Variants in GRM5 observed in about 807,000 individuals in gnomAD.
GRM5 encodes the protein glutamate metabotropic receptor 5, also known as metabotropic glutamate receptor 5.
Under a neutral mutation model 83.1 loss-of-function variants are expected in GRM5, and 19 were observed. The observed-to-expected ratio is 0.23, with a 90% CI of 0.16 to 0.34. The LOEUF is 0.34. GRM5 is among the 10% of genes least tolerant of loss of function. GRM5 has a pLI of 1.00. For missense variants in GRM5, 1,160 were observed against 1,588.3 expected (o/e 0.73, Z 4.58); for synonymous variants, 675 against 633.6 (o/e 1.07, Z -0.98).
chr11:88,625,012 C>T (rs1938752934), intron 4 of GRM5, among the ~76,000 whole-genome samples: 1 of 152,068 alleles, frequency 6.6e-6, no homozygotes, highest in South Asian at 2.1e-4. Context: ...ACAGTCTTAC[C>T]AAACAATGAC....
chr11:88,922,020 G>GA (rs1225080895), intron 2 of GRM5, among the ~76,000 whole-genome samples: 2 of 151,314 alleles, frequency 1.3e-5, no homozygotes, highest in African/African-American at 2.4e-5. Context: ...AAATCCCAAG[G>GA]AAAAAACCAA....
intron 3 of GRM5, among the ~76,000 whole-genome samples, chr11:88,844,357 T>TACACACAC (rs3031469): frequency 6.8e-5 from 10 of 146,108 alleles, no homozygotes; most frequent in African/African-American, 2.3e-4. Context: ...TCAGAATTAC[T>TACACACAC]ACACACACAC....
At chr11:88,796,910 G>A (rs12419811) in intron 3 of GRM5, among the ~76,000 whole-genome samples, 5 of 92,312 alleles carry the variant, frequency 5.4e-5, no homozygotes, top group African/African-American at 4.4e-4. Flanking sequence ...GTGTGTGTGT[G>A]TGTGTGTGTG....
At chr11:88,750,822 C>T (rs1007556016) in intron 3 of GRM5, among the ~76,000 whole-genome samples, 3 of 152,004 alleles carry the variant, frequency 2.0e-5, no homozygotes, top group African/African-American at 7.3e-5. Flanking sequence ...TCCAGAATGA[C>T]TCTTGGGTAA....
intron 2 of GRM5, among the ~76,000 whole-genome samples, chr11:88,918,816 A>T (rs1200577398): frequency 6.6e-6 from 1 of 152,004 alleles, no homozygotes; most frequent in African/African-American, 2.4e-5. Flanking sequence ...TTAAGTAGTC[A>T]TCAATTTAAA....
chr11:89,048,155 GAA>G (rs1283601573), intron 1 of GRM5, 83 bp from the exon 2 acceptor site: 4 of 315,670 alleles, frequency 1.3e-5, no homozygotes, highest in African/African-American at 8.7e-5. Flanking sequence ...TGTTAGCAGA[GAA>G]AATATTTTGA....
In GRM5 at chr11:88,682,301, G is replaced by A. The variant is rs548018606; in HGVS notation, c.912-28898C>T. On this transcript the variant is annotated intron_variant, in intron 3 of 9. Transcript: ENST00000305447. ...AAGGTGGCTGAACTAAGGAGGCAGG[G>A]CCTGTGAGATGTAAAGCAGCATCAT... Among the ~76,000 whole-genome samples, 27 of 152,264 alleles carry A rather than the reference G, an allele frequency of 1.8e-4. No individual in the cohort carries two copies. In the South Asian group the frequency reaches 4.1e-3, roughly 23 times the overall value.
At position 88,887,097 on chromosome 11, in the gene GRM5, C is replaced by T. The variant is rs1475846351; in HGVS notation, c.662-36942G>A. ...CCTTTTTGCATCCCTCTACTAGACA[C>T]CATGCTTTATGCTGCTTCTGTTAAC... On this transcript the variant is annotated intron_variant, in intron 2 of 9. Transcript: ENST00000305447. Among the ~76,000 whole-genome samples the T allele has an allele frequency of 2.6e-5, 4 of 152,146 alleles. No individual in the cohort carries two copies. In the South Asian group the frequency reaches 6.2e-4, roughly 24 times the overall value.
At chr11:88,845,435 T>C (rs1283566113) in intron 3 of GRM5, among the ~76,000 whole-genome samples, 2 of 44,128 alleles carry the variant, frequency 4.5e-5, no homozygotes, top group African/African-American at 1.8e-4. Context: ...TTTTTTTTTT[T>C]TTTTTTTTTT....
intron 3 of GRM5, among the ~76,000 whole-genome samples, chr11:88,824,453 C>T (rs75778241): frequency 0.025 from 3,873 of 152,212 alleles, 175 homozygotes; most frequent in African/African-American, 0.089. Flanking sequence ...AATCAGTAGC[C>T]TCCAACTTTA....
intron 2 of GRM5, among the ~76,000 whole-genome samples, chr11:88,894,062 C>T (rs1945190195): frequency 6.6e-6 from 1 of 151,936 alleles, no homozygotes; most frequent in Non-Finnish European, 1.5e-5. Context: ...AAACTAAGCA[C>T]TAGACATTTT....
chr11:88,896,955 T>C (rs762458290), intron 2 of GRM5, among the ~76,000 whole-genome samples: 1 of 151,850 alleles, frequency 6.6e-6, no homozygotes. Context: ...AGTGCAAAAT[T>C]TGTTAAATGT....
intron 2 of GRM5, among the ~76,000 whole-genome samples, chr11:88,879,374 G>A (rs183811485): frequency 7.1e-4 from 107 of 151,324 alleles, no homozygotes; most frequent in Middle Eastern, 3.5e-3. Context: ...TTTTACATTG[G>A]GAAAATTTTA....
intron 7 of GRM5, among the ~76,000 whole-genome samples, chr11:88,570,101 T>C (rs1254380597): frequency 1.3e-5 from 2 of 152,170 alleles, no homozygotes; most frequent in Non-Finnish European, 2.9e-5. Flanking sequence ...ATTTCTGCCC[T>C]GCTGCTGTTT....
At chr11:88,587,523 T>A (rs1943341820) in intron 7 of GRM5, among the ~76,000 whole-genome samples, 1 of 152,098 alleles carries the variant, frequency 6.6e-6, no homozygotes, top group Non-Finnish European at 1.5e-5. Context: ...TCATACAGAG[T>A]TATAAAACCA....
At chr11:88,655,783 G>A (rs561104813) in intron 3 of GRM5, among the ~76,000 whole-genome samples, 14 of 149,158 alleles carry the variant, frequency 9.4e-5, no homozygotes, top group Non-Finnish European at 8.9e-5. Context: ...AATAATTTTT[G>A]TTTCAGATGT....
rs116506264 is a variant in GRM5, at chr11:88,792,275, G to T, written c.911+57631C>A. On this transcript the variant is annotated intron_variant, in intron 3 of 9. Transcript: ENST00000305447. ...GTCCATTTCATGCACAGATGAGTCT[G>T]CATGTATGAATCTTACCTGGGCAAT... Among the ~76,000 whole-genome samples, 226 of 152,156 alleles carry T rather than the reference G, an allele frequency of 1.5e-3. 1 individual carries two copies. The highest frequency in any genetic ancestry group is 5.1e-3 in the African/African-American group (211 of 41,546).
chr11:88,822,573 T>G (rs1417738444), intron 3 of GRM5, among the ~76,000 whole-genome samples: 1 of 152,162 alleles, frequency 6.6e-6, no homozygotes, highest in Non-Finnish European at 1.5e-5. Context: ...CTTGGCATAT[T>G]TTAAGAACTC....
intron 3 of GRM5, among the ~76,000 whole-genome samples, chr11:88,752,025 C>A (rs1441064301): frequency 6.6e-6 from 1 of 152,128 alleles, no homozygotes; most frequent in Non-Finnish European, 1.5e-5. Context: ...GGAAGCAGTT[C>A]CCTTTAAAAC....
Sources: gnomAD v4.1 joint callset for allele counts (sites outside exome capture counted in the v4.1 genomes callset) on GRCh38, gnomAD v4.1.1 for gene constraint, MANE v1.5 for transcripts, NCBI Gene and HGNC (gene_info 2026-07-23, HGNC 2026-07-21) for gene names.